The following EZH2 variants were observed in gnomAD, a reference collection of about 807,000 sequenced individuals.
EZH2 encodes histone-lysine N-methyltransferase EZH2.
A neutral mutation model predicts 98.4 loss-of-function variants in EZH2; 18 were observed. That is an observed-to-expected ratio of 0.18 (90% CI 0.13 to 0.27). The LOEUF is 0.27. Among genes scored for constraint, EZH2 ranks in the 10% least tolerant of loss-of-function variants. EZH2 has a pLI of 1.00. For synonymous variants in EZH2, 338 were observed against 312.3 expected, an observed-to-expected ratio of 1.08 and a Z score of -0.87; for missense variants, 470 against 935.1, an observed-to-expected ratio of 0.50 and a Z score of 6.49.
At chr7:148,834,336 A>ATT (rs978734496) in intron 3 of EZH2, among the ~76,000 whole-genome samples, 31 of 106,008 alleles carry the variant, frequency 2.9e-4, no homozygotes, top group African/African-American at 1.2e-3. Flanking sequence ...CTGAAAAATC[A>ATT]TTATATATAT....
intron 19 of EZH2, 63 bp downstream of exon 19, chr7:148,809,007 TC>T: frequency 7.4e-7 from 1 of 1,359,036 alleles, no homozygotes; most frequent in East Asian, 2.3e-5. Flanking sequence ...CCCTCCTTTG[TC>T]CAGAGTTCAC....
chr7:148,869,315 A>G lies in EZH2; in HGVS notation c.-8+14849T>C, dbSNP rs984716174. 2.0e-5 allele frequency among the ~76,000 whole-genome samples: 3 copies of G among 151,504 alleles called. No individual in the cohort carries two copies. In the East Asian group the frequency reaches 5.8e-4, roughly 29 times the overall value. ...TAGAATCCTAGTATTTGCACTAAAA[A>G]GGACCCTATAGGCAGCAATAGCCTT... On this transcript the variant is annotated intron_variant, in intron 1 of 19. Transcript: ENST00000320356.
chr7:148,810,896 CAAAAAAAAAAAAA>C (rs924758768), intron 16 of EZH2, among the ~76,000 whole-genome samples: 6 of 43,676 alleles, frequency 1.4e-4, no homozygotes, highest in African/African-American at 5.2e-4. Context: ...AACTCTGTCT[CAAAAAAAAAAAAA>C]AAAAAAAAAA....
chr7:148,816,243 C>T (rs1051793645), intron 12 of EZH2, among the ~76,000 whole-genome samples: 1 of 152,148 alleles, frequency 6.6e-6, no homozygotes, highest in African/African-American at 2.4e-5. Context: ...TTCACACAAG[C>T]TTAAAGTAGG....
At chr7:148,839,079 AGG>A (rs1811692484) in intron 3 of EZH2, among the ~76,000 whole-genome samples, 1 of 150,678 alleles carries the variant, frequency 6.6e-6, no homozygotes, top group African/African-American at 2.5e-5. Flanking sequence ...GAAGGAAGGA[AGG>A]AAGGAAGGAA....
chr7:148,826,722 T>G (rs532479408), intron 7 of EZH2, 90 bp from the exon 8 acceptor site: 2 of 1,108,614 alleles, frequency 1.8e-6, no homozygotes, highest in South Asian at 5.6e-5. Context: ...GTGTTACTTT[T>G]GATGTTTATC....
intron 9 of EZH2, among the ~76,000 whole-genome samples, 189 bp from the exon 10 acceptor site, chr7:148,818,306 G>A (rs1334836277): frequency 2.0e-5 from 3 of 152,134 alleles, no homozygotes; most frequent in African/African-American, 7.2e-5. Context: ...ATTTCAGAAA[G>A]AGAAATATGG....
At chr7:148,870,689 C>T (rs1248642162) in intron 1 of EZH2, among the ~76,000 whole-genome samples, 1 of 145,964 alleles carries the variant, frequency 6.9e-6, no homozygotes, top group African/African-American at 2.6e-5. Flanking sequence ...GAGTGGGACT[C>T]TGTCTCAAAA....
intron 1 of EZH2, among the ~76,000 whole-genome samples, chr7:148,871,518 T>C (rs2129491939): frequency 6.7e-6 from 1 of 149,784 alleles, no homozygotes; most frequent in Admixed American, 6.6e-5. Context: ...GGAACCTGCA[T>C]ATACAAAAAG....
intron 1 of EZH2, among the ~76,000 whole-genome samples, chr7:148,881,303 C>T (rs1468508055): frequency 6.6e-6 from 1 of 152,176 alleles, no homozygotes; most frequent in East Asian, 1.9e-4. Flanking sequence ...CACACTACCT[C>T]AAAAGAAGGA....
chr7:148,839,088 G>GGAAGGAAGGAAGGAAAGAAGGAAGGAAA (rs1811706975), intron 3 of EZH2, among the ~76,000 whole-genome samples: 34 of 140,882 alleles, frequency 2.4e-4, no homozygotes, highest in African/African-American at 9.4e-4. Context: ...AAGGAAGGAA[G>GGAAGGAAGGAAGGAAAGAAGGAAGGAAA]GAAGGAAGGA....
intron 8 of EZH2, 137 bp from the exon 9 acceptor site, chr7:148,819,824 C>A (rs1805507679): frequency 2.9e-6 from 2 of 690,222 alleles, no homozygotes; most frequent in Admixed American, 2.8e-5. Context: ...ATACAACTTT[C>A]CTTCAGGCTC....
At chr7:148,819,424 A>G (rs1805416982) in intron 9 of EZH2, among the ~76,000 whole-genome samples, 172 bp downstream of exon 9, 1 of 152,246 alleles carries the variant, frequency 6.6e-6, no homozygotes, top group Non-Finnish European at 1.5e-5. Context: ...ATGAAGGACT[A>G]AAATGTGCAG....
intron 8 of EZH2, among the ~76,000 whole-genome samples, chr7:148,821,822 C>T (rs1464557399): frequency 6.6e-6 from 1 of 152,188 alleles, no homozygotes; most frequent in East Asian, 1.9e-4. Context: ...GAGCAAGACC[C>T]TGTGTATGTA....
chr7:148,816,649 G>A (rs1156722544), intron 12 of EZH2, 35 bp downstream of exon 12: 1 of 1,528,146 alleles, frequency 6.5e-7, no homozygotes, highest in African/African-American at 1.4e-5. Context: ...GTCTATCTAT[G>A]TTGACTTCTC....
chr7:148,858,152 C>T (rs1312241566), intron 1 of EZH2, among the ~76,000 whole-genome samples: 3 of 151,694 alleles, frequency 2.0e-5, no homozygotes, highest in Admixed American at 1.3e-4. Context: ...ATTAGCCAGG[C>T]GTGGTGGCGG....
chr7:148,849,400 T>C (rs1009350413), intron 1 of EZH2, among the ~76,000 whole-genome samples: 6 of 152,074 alleles, frequency 3.9e-5, no homozygotes, highest in Non-Finnish European at 7.4e-5. Flanking sequence ...TTAATAAGAA[T>C]GGACCTGGAG....
chr7:148,828,969 T>C (rs1182864923), intron 5 of EZH2, 89 bp from the exon 6 acceptor site: 2 of 1,305,924 alleles, frequency 1.5e-6, no homozygotes, highest in Non-Finnish European at 2.1e-6. Flanking sequence ...AAAACAGGCA[T>C]AGCCTAGTAA....
At chr7:148,808,787 G>T (rs551379314) in intron 19 of EZH2, among the ~76,000 whole-genome samples, 14 of 152,062 alleles carry the variant, frequency 9.2e-5, no homozygotes, top group Non-Finnish European at 1.6e-4. Context: ...TGCAGCATGC[G>T]GCATGATATG....
Sources: gnomAD v4.1 joint callset for allele counts (sites outside exome capture counted in the v4.1 genomes callset) on GRCh38, gnomAD v4.1.1 for gene constraint, MANE v1.5 for transcripts, NCBI Gene and HGNC (gene_info 2026-07-23, HGNC 2026-07-21) for gene names.